The following CRHBP variants were observed in gnomAD, a reference collection of about 807,000 sequenced individuals.
The protein encoded by CRHBP is corticotropin-releasing hormone-binding protein.
A neutral mutation model predicts 34.9 loss-of-function variants in CRHBP; 19 were observed. That is an observed-to-expected ratio of 0.55 (90% confidence interval 0.38 to 0.80). The LOEUF (loss-of-function observed/expected upper bound fraction) is 0.80, where lower values mean the gene tolerates loss of function less well. Ranked by LOEUF, CRHBP falls within the 30% of genes least tolerant of loss-of-function variation. CRHBP has a pLI of 0.00. For synonymous variants in CRHBP, 154 were observed against 153.4 expected, an observed-to-expected ratio of 1.00 and a Z score of -0.03; for missense variants, 328 against 409.2, an observed-to-expected ratio of 0.80 and a Z score of 1.71.
In CRHBP at chr5:76,977,373, A is replaced by C. The variant is rs145887516; in HGVS notation, n.467+853A>C. Among the ~76,000 whole-genome samples the C allele has an allele frequency of 9.6e-3, 1,461 of 152,296 alleles. 36 individuals carry two copies. The highest frequency in any genetic ancestry group is 0.033 in the African/African-American group (1,381 of 41,568). ...GTTTGTGGCAACTTTGGGTCGAGCA[A>C]GTCTATTGGTGCCATTTTTCCAACA... is the stretch of plus-strand genomic sequence containing the variant. On this transcript the variant is annotated intron_variant and non_coding_transcript_variant, in intron 3 of 3. Coordinates refer to the CRHBP transcript ENST00000514258.
At chr5:76,958,084 G>A (rs571004484) in intron 4 of CRHBP, among the ~76,000 whole-genome samples, 6 of 151,894 alleles carry the variant, frequency 4.0e-5, no homozygotes, top group Admixed American at 1.3e-4. Flanking sequence ...ACTTGAACCC[G>A]GGAGGCAGAG....
In CRHBP at chr5:76,954,136, A is replaced by G. The variant is rs1745627277; in HGVS notation, c.283A>G (p.Ile95Val). 23 of 1,613,922 alleles carry G rather than the reference A, an allele frequency of 1.4e-5. No individual in the cohort carries two copies. The highest frequency in any genetic ancestry group is 1.8e-5 in the Non-Finnish European group (21 of 1,179,922). ...FISEPEEFIT[I>V]HYDQVSIDCQ... ...CAGCGAGCCCGAGGAGTTCATTACC[A>G]TCCACTACGACCAGGTCTCCATCGA... The change falls in exon 3 of 7, where the codon ATC becomes GTC. Residue 95 changes from isoleucine (I) to valine (V), a missense_variant. Transcript: ENST00000274368.
chr5:76,962,797 A>G (rs1207697168), intron 5 of CRHBP, among the ~76,000 whole-genome samples: 1 of 152,156 alleles, frequency 6.6e-6, no homozygotes, highest in African/African-American at 2.4e-5. Context: ...TCTTTAACAT[A>G]CTCATAATTA....
Position 76,962,636 on chromosome 5 carries a change from A to AGG in CRHBP, c.694-703_694-702dup, listed in dbSNP as rs1454231471. ...TCTACAAAATTGAAAAAAAAAAAAA[A>AGG]GGGGGAAGCAGGAAAAGGTGATCAT... is the stretch of plus-strand genomic sequence containing the variant. On this transcript the variant is annotated intron_variant, in intron 5 of 6. Coordinates refer to ENST00000274368, the MANE Select transcript of CRHBP (RefSeq NM_001882.4). 1.8e-4 allele frequency among the ~76,000 whole-genome samples: 27 copies of AGG among 150,542 alleles called. 1 individual carries two copies. The highest frequency in any genetic ancestry group is 5.9e-4 in the African/African-American group (24 of 40,942).
intron 5 of CRHBP, 109 bp from the exon 6 acceptor site, chr5:76,963,234 C>T: frequency 1.3e-6 from 1 of 766,230 alleles, no homozygotes; most frequent in South Asian, 1.7e-5. Flanking sequence ...ATGGTATTGC[C>T]AGGATGTTGA....
At chr5:76,955,972 A>C (rs1369247662) in intron 4 of CRHBP, 109 bp downstream of exon 4, 3 of 958,838 alleles carry the variant, frequency 3.1e-6, no homozygotes, top group Non-Finnish European at 4.6e-6. Context: ...ATTTGAATGG[A>C]AATTTTTTTG....
intron 6 of CRHBP, among the ~76,000 whole-genome samples, chr5:76,967,386 T>G (rs1393146287): frequency 6.6e-6 from 1 of 152,202 alleles, no homozygotes; most frequent in African/African-American, 2.4e-5. Context: ...ATAACTCTAT[T>G]GAACTGTTTA....
At chr5:76,970,655 A>G (rs1173311902), downstream of CRHBP, among the ~76,000 whole-genome samples, 1 of 152,216 alleles carries the variant, frequency 6.6e-6, no homozygotes, top group African/African-American at 2.4e-5. Context: ...TTCTTAAAAA[A>G]GATAGTCACT....
At chr5:76,958,239 A>G (rs1745721637) in intron 4 of CRHBP, among the ~76,000 whole-genome samples, 1 of 152,194 alleles carries the variant, frequency 6.6e-6, no homozygotes, top group Non-Finnish European at 1.5e-5. Flanking sequence ...CTAGGCCCCC[A>G]GTTTTAAAAT....
rs548495925 is a variant in CRHBP, at chr5:76,966,667, G to A, written c.812-2061G>A. ...ATTGGCCTCAGTTTCCCTGCCACCA[G>A]GCCTTGGTGTTTTTCCTTGATTCAG... On this transcript the variant is annotated intron_variant, in intron 6 of 6. Coordinates refer to ENST00000274368, the MANE Select transcript of CRHBP (RefSeq NM_001882.4). 4.2e-4 allele frequency among the ~76,000 whole-genome samples: 64 copies of A among 152,138 alleles called. No individual in the cohort carries two copies. In the South Asian group the frequency reaches 0.012, roughly 29 times the overall value.
In CRHBP at chr5:76,957,107, G is replaced by A. The variant is rs550061505; in HGVS notation, c.544+1244G>A. ...TGTAATCCTAGCACTTTGGGAGGCC[G>A]AGGAGGAGGATCACTTGAGCCCAGG... On this transcript the variant is annotated intron_variant, in intron 4 of 6. Transcript: ENST00000274368. 1.9e-3 allele frequency among the ~76,000 whole-genome samples: 293 copies of A among 152,166 alleles called. 1 individual carries two copies. Among genetic ancestry groups the A allele is most frequent in the African/African-American group, 6.7e-3 (277 of 41,518 alleles).
intron 5 of CRHBP, among the ~76,000 whole-genome samples, chr5:76,962,635 A>G (rs545866635): frequency 0.018 from 2,781 of 150,758 alleles, 85 homozygotes; most frequent in African/African-American, 0.062. Flanking sequence ...AAAAAAAAAA[A>G]AGGGGGAAGC....
chr5:76,953,072 G>T lies in CRHBP; in HGVS notation c.-63G>T. The stretch of plus-strand genomic sequence containing the variant: ...CTTCTAGCTCTCAGTCTGCGCGAGG[G>T]TGTAGGAAGGAAAGCCCAGGACCTC... On this transcript the variant is annotated 5_prime_UTR_variant, in exon 1 of 7. Coordinates refer to ENST00000274368, the MANE Select transcript of CRHBP (RefSeq NM_001882.4). 3 of 1,532,682 alleles carry T rather than the reference G, an allele frequency of 2.0e-6. No individual in the cohort carries two copies. The highest frequency in any genetic ancestry group is 2.7e-6 in the Non-Finnish European group (3 of 1,106,334). The allele number at this position is 1,532,682 out of a possible 1,614,324, so 94.9% of individuals were successfully genotyped here.
At chr5:76,975,918 G>A (rs145502109) in intron 2 of CRHBP, among the ~76,000 whole-genome samples, 2,317 of 112,442 alleles carry the variant, frequency 0.021, 85 homozygotes, top group African/African-American at 0.08. Context: ...ATATATATGT[G>A]TATATATATG....
intron 6 of CRHBP, among the ~76,000 whole-genome samples, chr5:76,965,620 T>C (rs1354758142): frequency 6.6e-6 from 1 of 152,178 alleles, no homozygotes; most frequent in East Asian, 1.9e-4. Flanking sequence ...GGCCTTACAA[T>C]TTAGATAATT....
intron 3 of CRHBP, among the ~76,000 whole-genome samples, chr5:76,979,383 G>A (rs1041193884): frequency 1.3e-5 from 2 of 151,886 alleles, no homozygotes; most frequent in Non-Finnish European, 2.9e-5. Flanking sequence ...ACAGAGTTTC[G>A]CTTTGTCTCC....
chr5:76,954,218 G>A, intron 3 of CRHBP, 32 bp downstream of exon 3: 1 of 1,605,062 alleles, frequency 6.2e-7, no homozygotes, highest in Non-Finnish European at 8.5e-7. Context: ...AACCTAGCCG[G>A]AGGGCGGCAC....
At chr5:76,969,934 C>CTTT (rs201228247), downstream of CRHBP, among the ~76,000 whole-genome samples, 788 of 61,666 alleles carry the variant, frequency 0.013, 69 homozygotes, top group Non-Finnish European at 0.015. Flanking sequence ...AAAGAAAATT[C>CTTT]TTTTTTTTTT....
intron 2 of CRHBP, 81 bp from the exon 3 acceptor site, chr5:76,953,948 G>A (rs1561263877): frequency 2.7e-6 from 4 of 1,499,948 alleles, no homozygotes; most frequent in Non-Finnish European, 2.7e-6. Context: ...CGGGAATGGG[G>A]CGCGCGGAGA....
Sources: gnomAD v4.1 joint callset for allele counts (sites outside exome capture counted in the v4.1 genomes callset) on GRCh38, gnomAD v4.1.1 for gene constraint, MANE v1.5 for transcripts, NCBI Gene and HGNC (gene_info 2026-07-23, HGNC 2026-07-21) for gene names.